Variants in NREP observed in about 807,000 individuals in gnomAD.
The protein encoded by NREP is neuronal regeneration-related protein.
A neutral mutation model predicts 8.6 loss-of-function variants in NREP; 5 were observed. The observed-to-expected ratio is 0.58, with a 90% CI of 0.30 to 1.22. NREP has a LOEUF of 1.22. NREP is among the 50% of genes most tolerant of loss of function. NREP has a pLI of 0.07. For synonymous variants in NREP, 27 were observed against 28.0 expected, an observed-to-expected ratio of 0.96 and a Z score of 0.11; for missense variants, 86 against 82.5, an observed-to-expected ratio of 1.04 and a Z score of -0.17.
intron 2 of NREP, among the ~76,000 whole-genome samples, chr5:111,950,823 G>A (rs956504744): frequency 1.3e-5 from 2 of 151,820 alleles, no homozygotes; most frequent in East Asian, 3.9e-4. Flanking sequence ...TCACCCTAGG[G>A]ACTTTTAAAT....
At chr5:111,758,622 T>C (rs753978144), upstream of NREP, among the ~76,000 whole-genome samples, 10 of 152,216 alleles carry the variant, frequency 6.6e-5, no homozygotes. Flanking sequence ...TAGTGTCTTC[T>C]AAATTTGCCA....
At chr5:111,960,355 T>G (rs529197343) in intron 2 of NREP, among the ~76,000 whole-genome samples, 34 of 152,252 alleles carry the variant, frequency 2.2e-4, no homozygotes, top group African/African-American at 7.7e-4. Context: ...AATCACTCAC[T>G]CATTCTTTAA....
intron 2 of NREP, among the ~76,000 whole-genome samples, chr5:111,815,200 A>C (rs1752357607): frequency 6.6e-6 from 1 of 152,162 alleles, no homozygotes; most frequent in Non-Finnish European, 1.5e-5. Context: ...TCCACCAAAA[A>C]GGATATGCCT....
intron 2 of NREP, among the ~76,000 whole-genome samples, chr5:111,826,504 A>T (rs555328618): frequency 6.6e-6 from 1 of 152,216 alleles, no homozygotes; most frequent in Non-Finnish European, 1.5e-5. Flanking sequence ...CCACCAATGC[A>T]CCAGAAGGAA....
At chr5:111,966,427 G>T (rs1338076282) in intron 2 of NREP, among the ~76,000 whole-genome samples, 1 of 152,074 alleles carries the variant, frequency 6.6e-6, no homozygotes, top group African/African-American at 2.4e-5. Flanking sequence ...GAAATTATTG[G>T]TATTGGGATT....
At chr5:111,960,911 T>A (rs545662477) in intron 2 of NREP, among the ~76,000 whole-genome samples, 4 of 152,304 alleles carry the variant, frequency 2.6e-5, no homozygotes, top group South Asian at 2.1e-4. Flanking sequence ...AAAGTAATTT[T>A]AAAAAATCAA....
chr5:111,960,654 T>C (rs929310151), intron 2 of NREP, among the ~76,000 whole-genome samples: 4 of 152,196 alleles, frequency 2.6e-5, no homozygotes, highest in African/African-American at 7.2e-5. Context: ...CCCACTTGAA[T>C]TGGCTCACTG....
rs1468936764 is a variant in NREP, at chr5:111,730,819, C to A, written c.*102G>T. 1 of 1,345,100 alleles carries A rather than the reference C, an allele frequency of 7.4e-7. No homozygotes were observed. Among genetic ancestry groups the A allele is most frequent in the Non-Finnish European group, 1.0e-6 (1 of 978,440 alleles). The allele number at this position is 1,345,100 out of a possible 1,614,324, so 83.3% of individuals were successfully genotyped here. On this transcript the variant is annotated 3_prime_UTR_variant, in exon 4 of 4. Coordinates refer to ENST00000257435, the MANE Select transcript of NREP (RefSeq NM_004772.4). Reference sequence around the variant, plus strand: ...AGCAAGGCTCAGAGTCCCATAGTTTCTTCTTATACTTGATGATTTACACAG... The same window carrying A: ...AGCAAGGCTCAGAGTCCCATAGTTTATTCTTATACTTGATGATTTACACAG...
At chr5:111,882,312 A>G (rs981853822) in intron 2 of NREP, among the ~76,000 whole-genome samples, 1 of 152,238 alleles carries the variant, frequency 6.6e-6, no homozygotes, top group Non-Finnish European at 1.5e-5. Flanking sequence ...CAAAGCCTCT[A>G]AGAAATATGG....
chr5:111,790,163 G>C (rs1751707318), intron 2 of NREP, among the ~76,000 whole-genome samples: 1 of 151,944 alleles, frequency 6.6e-6, no homozygotes, highest in African/African-American at 2.4e-5. Flanking sequence ...GAAAAGTTTT[G>C]AATTTTTCTT....
At chr5:111,831,222 A>C (rs1752760049) in intron 2 of NREP, among the ~76,000 whole-genome samples, 1 of 151,836 alleles carries the variant, frequency 6.6e-6, no homozygotes, top group Non-Finnish European at 1.5e-5. Context: ...TACTGGGTAC[A>C]TCCCTTTTGG....
At chr5:111,911,153 G>GC (rs1754901717) in intron 2 of NREP, among the ~76,000 whole-genome samples, 1 of 152,092 alleles carries the variant, frequency 6.6e-6, no homozygotes, top group South Asian at 2.1e-4. Context: ...TATCACCCCT[G>GC]CACCCAGTGT....
At chr5:111,740,973 C>T (rs534687185) in intron 2 of NREP, among the ~76,000 whole-genome samples, 4 of 152,298 alleles carry the variant, frequency 2.6e-5, no homozygotes, top group African/African-American at 9.6e-5. Flanking sequence ...AGGCTAAATA[C>T]ACCACACACA....
At chr5:111,825,194 A>G (rs991088620) in intron 2 of NREP, among the ~76,000 whole-genome samples, 1 of 152,114 alleles carries the variant, frequency 6.6e-6, no homozygotes, top group African/African-American at 2.4e-5. Context: ...ATAAAACTCA[A>G]ATAAATAAAT....
intron 2 of NREP, among the ~76,000 whole-genome samples, chr5:111,934,642 G>A (rs1755631656): frequency 6.6e-6 from 1 of 152,076 alleles, no homozygotes; most frequent in Admixed American, 6.6e-5. Flanking sequence ...CAGGAGGAAT[G>A]TATGGCCGCA....
At chr5:111,961,687 C>T (rs1006414674) in intron 2 of NREP, among the ~76,000 whole-genome samples, 1 of 152,054 alleles carries the variant, frequency 6.6e-6, no homozygotes, top group Non-Finnish European at 1.5e-5. Flanking sequence ...TAATGTCTTC[C>T]TGTTCTGAAT....
chr5:111,963,561 CA>C (rs1214750852), intron 2 of NREP, among the ~76,000 whole-genome samples: 1 of 152,188 alleles, frequency 6.6e-6, no homozygotes, highest in East Asian at 1.9e-4. Flanking sequence ...AGATGTATTT[CA>C]GGGCTTTCTA....
intron 2 of NREP, among the ~76,000 whole-genome samples, chr5:111,782,217 C>T (rs1049807026): frequency 1.3e-5 from 2 of 152,136 alleles, no homozygotes; most frequent in African/African-American, 4.8e-5. Context: ...GTTCTCATTT[C>T]CCTGGCTAAT....
intron 2 of NREP, among the ~76,000 whole-genome samples, chr5:111,887,143 C>T (rs1043889518): frequency 6.6e-6 from 1 of 152,008 alleles, no homozygotes; most frequent in Non-Finnish European, 1.5e-5. Context: ...AGGCTGGTCT[C>T]GAGCTCTTGG....
Sources: allele counts gnomAD v4.1 joint callset (sites outside exome capture counted in the v4.1 genomes callset), GRCh38; gene constraint gnomAD v4.1.1; transcripts MANE v1.5; gene names NCBI Gene and HGNC (gene_info 2026-07-23, HGNC 2026-07-21).